Variants in TEX9 observed in about 807,000 individuals in gnomAD.
TEX9 encodes testis expressed 9.
In TEX9, 74 loss-of-function variants were observed where a neutral mutation model predicts 59.6. That is an observed-to-expected ratio of 1.24 (90% CI 1.03 to 1.51). The LOEUF (loss-of-function observed/expected upper bound fraction) is 1.51. TEX9 is among the 40% of genes most tolerant of loss of function. TEX9 has a pLI of 0.00. For synonymous variants in TEX9, 186 were observed against 152.2 expected (o/e 1.22, Z -1.64); for missense variants, 522 against 447.8 (o/e 1.17, Z -1.49).
chr15:56,394,789 C>T (rs1450276737), exon 9 of TEX9: 2 of 1,612,452 alleles, frequency 1.2e-6, no homozygotes, highest in Non-Finnish European at 8.5e-7. Flanking sequence ...AAGAAGCAAA[C>T]AAAAAGTATG....
intron 1 of TEX9, among the ~76,000 whole-genome samples, chr15:56,307,087 G>A (rs2141601154): frequency 6.6e-6 from 1 of 152,174 alleles, no homozygotes; most frequent in South Asian, 2.1e-4. Flanking sequence ...TTTCCTGGGG[G>A]GAAAATGACT....
chr15:56,321,705 A>C (rs72740560), intron 1 of TEX9, among the ~76,000 whole-genome samples: 10,592 of 152,218 alleles, frequency 0.07, 463 homozygotes, highest in Non-Finnish European at 0.1. Flanking sequence ...TTCCCATTAA[A>C]GCTTATATTT....
chr15:56,422,908 G>T (rs1383741265), intron 10 of TEX9, among the ~76,000 whole-genome samples: 2 of 152,060 alleles, frequency 1.3e-5, no homozygotes, highest in East Asian at 1.9e-4. Flanking sequence ...TACCATATTT[G>T]TTTTTCTTTA....
intron 1 of TEX9, among the ~76,000 whole-genome samples, chr15:56,304,664 A>G (rs1356192375): frequency 6.6e-6 from 1 of 152,116 alleles, no homozygotes; most frequent in African/African-American, 2.4e-5. Context: ...GTTTGCTAGT[A>G]TATTGTTGAC....
chr15:56,378,113 A>C (rs1262934247), intron 3 of TEX9, among the ~76,000 whole-genome samples: 1 of 152,112 alleles, frequency 6.6e-6, no homozygotes, highest in Non-Finnish European at 1.5e-5. Context: ...CAGCAAACTG[A>C]ATTCTGTTTG....
intron 1 of TEX9, among the ~76,000 whole-genome samples, chr15:56,244,437 C>CT (rs1217220855): frequency 9.2e-5 from 14 of 152,130 alleles, no homozygotes; most frequent in Admixed American, 9.2e-4. Context: ...TCTGGCCCCA[C>CT]TTTAACTATC....
At chr15:56,430,689 T>C (rs1410085348) in intron 12 of TEX9, among the ~76,000 whole-genome samples, 1 of 152,118 alleles carries the variant, frequency 6.6e-6, no homozygotes, top group Non-Finnish European at 1.5e-5. Flanking sequence ...TCATACACAT[T>C]CTCATCTTTG....
intron 9 of TEX9, among the ~76,000 whole-genome samples, chr15:56,399,093 C>T (rs1351235849): frequency 6.6e-6 from 1 of 152,226 alleles, no homozygotes; most frequent in Non-Finnish European, 1.5e-5. Context: ...CCTGGTTCAT[C>T]TCACTGGGAC....
chr15:56,394,326 A>G (rs2048353685), intron 8 of TEX9, 79 bp downstream of exon 8: 4 of 1,222,574 alleles, frequency 3.3e-6, no homozygotes, highest in Non-Finnish European at 4.6e-6. Context: ...TTTTTGAATT[A>G]CTTTATTTAG....
At chr15:56,359,665 T>A (rs571538015) in intron 1 of TEX9, among the ~76,000 whole-genome samples, 16 of 152,266 alleles carry the variant, frequency 1.1e-4, no homozygotes, top group African/African-American at 3.1e-4. Context: ...TTTAAAAAAA[T>A]TTTCTTTATA....
intron 9 of TEX9, among the ~76,000 whole-genome samples, chr15:56,404,857 T>C (rs2048996950): frequency 1.3e-5 from 2 of 152,062 alleles, no homozygotes; most frequent in Non-Finnish European, 2.9e-5. Flanking sequence ...CTGGAAACCA[T>C]CATTCTCAGC....
chr15:56,437,198 T>C (rs937311267), intron 12 of TEX9, among the ~76,000 whole-genome samples: 1 of 152,136 alleles, frequency 6.6e-6, no homozygotes, highest in Non-Finnish European at 1.5e-5. Flanking sequence ...CTGATGAACA[T>C]TGATGCAAAA....
chr15:56,311,729 A>G (rs1342487062), intron 1 of TEX9, among the ~76,000 whole-genome samples: 1 of 143,520 alleles, frequency 7.0e-6, no homozygotes, highest in African/African-American at 2.6e-5. Context: ...ACTGACTTCC[A>G]CAATGGTTGA....
At chr15:56,429,512 C>A (rs1046048778) in intron 12 of TEX9, 3 of 187,028 alleles carry the variant, frequency 1.6e-5, no homozygotes, top group Admixed American at 1.3e-4. Flanking sequence ...TGTACCCTAC[C>A]CTTTTCTTTA....
intron 12 of TEX9, chr15:56,444,762 A>AAT: frequency 8.8e-7 from 1 of 1,133,756 alleles, no homozygotes; most frequent in South Asian, 1.5e-5. Flanking sequence ...GAATATTATA[A>AAT]AGTCTTTTAC....
chr15:56,264,425 G>T (rs983503873), intron 1 of TEX9, among the ~76,000 whole-genome samples: 1 of 152,038 alleles, frequency 6.6e-6, no homozygotes, highest in African/African-American at 2.4e-5. Context: ...TTTTCCCTGG[G>T]TTGTTTGATT....
chr15:56,292,943 T>A (rs751424868), intron 1 of TEX9, among the ~76,000 whole-genome samples: 3 of 152,230 alleles, frequency 2.0e-5, no homozygotes, highest in Non-Finnish European at 2.9e-5. Context: ...CCTGCTTCCC[T>A]CATATCCTGT....
intron 10 of TEX9, among the ~76,000 whole-genome samples, chr15:56,426,638 AACACACAC>A (rs142167770): frequency 3.8e-5 from 3 of 78,184 alleles, no homozygotes; most frequent in Non-Finnish European, 8.0e-5. Flanking sequence ...CACACACACA[AACACACAC>A]ACACACACGT....
At chr15:56,409,998 T>C (rs780856410) in intron 9 of TEX9, 1 of 152,196 alleles carries the variant, frequency 6.6e-6, no homozygotes, top group Non-Finnish European at 1.5e-5. Context: ...AGAATGCAAA[T>C]GTCATGAGAG....
Sources: allele counts gnomAD v4.1 joint callset (sites outside exome capture counted in the v4.1 genomes callset), GRCh38; gene constraint gnomAD v4.1.1; transcripts MANE v1.5; gene names NCBI Gene and HGNC (gene_info 2026-07-23, HGNC 2026-07-21).